EFCAB5: variants seen among roughly 807,000 people sequenced by gnomAD.
The protein encoded by EFCAB5 is EF-hand calcium-binding domain-containing protein 5.
In EFCAB5, 131 loss-of-function variants were observed where a neutral mutation model predicts 167.9. The observed-to-expected ratio is 0.78, with a 90% confidence interval of 0.68 to 0.90. The LOEUF (loss-of-function observed/expected upper bound fraction) is 0.90, where lower values mean the gene tolerates loss of function less well. EFCAB5 is among the 40% of genes least tolerant of loss of function. The pLI is 0.00. For missense variants in EFCAB5, 1,663 were observed against 1,745.2 expected (o/e 0.95, Z 0.84); for synonymous variants, 574 against 602.8 (o/e 0.95, Z 0.70).
intron 4 of EFCAB5, among the ~76,000 whole-genome samples, chr17:29,978,957 GA>G (rs2068115823): frequency 6.6e-6 from 1 of 152,136 alleles, no homozygotes; most frequent in Non-Finnish European, 1.5e-5. Context: ...GGGCAGGGGG[GA>G]TGGGGGGAGT....
intron 22 of EFCAB5, among the ~76,000 whole-genome samples, chr17:30,100,323 T>C (rs1008255810): frequency 6.6e-6 from 1 of 152,066 alleles, no homozygotes; most frequent in African/African-American, 2.4e-5. Context: ...GAGCAGAGGA[T>C]AAGCAATAAA....
At chr17:30,036,474 G>C (rs1172846794) in intron 8 of EFCAB5, among the ~76,000 whole-genome samples, 1 of 150,426 alleles carries the variant, frequency 6.6e-6, no homozygotes, top group Non-Finnish European at 1.5e-5. Context: ...CTATCACCCA[G>C]GCTAGAATGC....
chr17:30,055,929 C>A lies in EFCAB5; in HGVS notation c.2236C>A (p.Pro746Thr). The change falls in exon 11 of 23, where the codon CCC becomes ACC. Residue 746 changes from proline (P) to threonine (T), a missense_variant. Pro to Thr is a conservative substitution (Grantham distance 38). Coordinates refer to ENST00000394835, the MANE Select transcript of EFCAB5 (RefSeq NM_198529.4). The stretch of plus-strand genomic sequence containing the variant: ...AGTTCAGAAAGACAAGCCCTGTGAA[C>A]CCAAGTCCCAAAAAATAGAAGGAAA... ...KEVQKDKPCEPKSQKIEGKSW... is the reference protein window; with the variant it reads ...KEVQKDKPCETKSQKIEGKSW... 3 of 1,613,616 alleles carry A rather than the reference C, an allele frequency of 1.9e-6. No individual in the cohort carries two copies. In the East Asian group the frequency reaches 6.7e-5, roughly 36 times the overall value.
intron 3 of EFCAB5, among the ~76,000 whole-genome samples, chr17:29,962,049 G>A (rs887150750): frequency 3.3e-5 from 5 of 152,140 alleles, no homozygotes; most frequent in African/African-American, 1.2e-4. Flanking sequence ...TAGTCTATAT[G>A]TCTGTCCTTA....
chr17:29,988,761 T>C (rs1435616119), intron 4 of EFCAB5, among the ~76,000 whole-genome samples: 9 of 152,196 alleles, frequency 5.9e-5, no homozygotes, highest in African/African-American at 2.2e-4. Flanking sequence ...AGTTCTCCCA[T>C]TTCCTATCAT....
At chr17:29,975,075 A>C (rs1172739104) in intron 4 of EFCAB5, among the ~76,000 whole-genome samples, 2 of 152,004 alleles carry the variant, frequency 1.3e-5, no homozygotes, top group Non-Finnish European at 2.9e-5. Context: ...TTTAAAATAC[A>C]AAACTAAAAA....
chr17:30,042,603 A>T (rs1409505066), intron 8 of EFCAB5, among the ~76,000 whole-genome samples: 1 of 152,188 alleles, frequency 6.6e-6, no homozygotes, highest in Non-Finnish European at 1.5e-5. Context: ...AAATAGGAAA[A>T]CTAGATATCC....
chr17:29,951,147 A>G (rs2067500147), intron 3 of EFCAB5, among the ~76,000 whole-genome samples: 1 of 152,204 alleles, frequency 6.6e-6, no homozygotes, highest in South Asian at 2.1e-4. Flanking sequence ...AGGCCAAGGA[A>G]GAAATCAAAA....
At chr17:29,940,813 GT>G (rs747000183), upstream of EFCAB5, among the ~76,000 whole-genome samples, 14 of 152,244 alleles carry the variant, frequency 9.2e-5, no homozygotes, top group Non-Finnish European at 1.6e-4. Flanking sequence ...GCTGAGGAGG[GT>G]GGATCACTTG....
rs528076500 is a variant in EFCAB5 at position 30,105,729 on chromosome 17, C to T, written c.4322-2105C>T. ...ATTTTAGTATTTGAGAAACCTAATT[C>T]ATTATTCCTTAATTTAATGTTTCAA... is the stretch of plus-strand genomic sequence containing the variant. On this transcript the variant is annotated intron_variant, in intron 22 of 22. Transcript: ENST00000394835. Among the ~76,000 whole-genome samples the T allele has an allele frequency of 3.3e-5, 5 of 152,228 alleles. No individual in the cohort carries two copies. In the South Asian group the frequency reaches 8.3e-4, roughly 25 times the overall value.
Position 29,969,387 on chromosome 17 carries a change from C to T in EFCAB5, c.767+20C>T. The T allele has an allele frequency of 6.5e-7, 1 of 1,531,634 alleles. No homozygotes were observed. The highest frequency in any genetic ancestry group is 8.8e-7 in the Non-Finnish European group (1 of 1,140,270). The allele number at this position is 1,531,634 out of a possible 1,614,324, so 94.9% of individuals were successfully genotyped here. On this transcript the variant is annotated intron_variant, in intron 4 of 22. Transcript: ENST00000394835. ...CAACAGGTACAATCTGTTATAGTTT[C>T]AGTTCATGATCTGTCTCCTTACATT...
chr17:29,980,165 G>A (rs942339534), intron 4 of EFCAB5, among the ~76,000 whole-genome samples: 2 of 152,216 alleles, frequency 1.3e-5, no homozygotes, highest in Non-Finnish European at 2.9e-5. Flanking sequence ...GTGAAACTCC[G>A]TCTCAAAAAC....
intron 22 of EFCAB5, among the ~76,000 whole-genome samples, chr17:30,096,677 A>ATATATATATATATTT (rs1193558323): frequency 3.3e-5 from 2 of 60,122 alleles, no homozygotes; most frequent in African/African-American, 1.7e-4. Context: ...ATATATATAT[A>ATATATATATATATTT]TTTTTTTTTT....
chr17:30,037,416 C>T (rs1156270134), intron 8 of EFCAB5, among the ~76,000 whole-genome samples: 1 of 152,120 alleles, frequency 6.6e-6, no homozygotes, highest in Non-Finnish European at 1.5e-5. Flanking sequence ...AGTACATACA[C>T]CACAGTCACA....
At chr17:30,087,247 A>T in intron 19 of EFCAB5, 81 bp downstream of exon 19, 1 of 1,123,624 alleles carries the variant, frequency 8.9e-7, no homozygotes, top group South Asian at 1.4e-5. Context: ...ACAGCTTCTG[A>T]CTCTTGCTCA....
chr17:30,082,547 T>C (rs2071009254), intron 17 of EFCAB5, among the ~76,000 whole-genome samples: 1 of 152,002 alleles, frequency 6.6e-6, no homozygotes, highest in Non-Finnish European at 1.5e-5. Flanking sequence ...TGCACCACCA[T>C]GCCCAGCTAA....
Position 30,038,540 on chromosome 17 carries a change from G to A in EFCAB5, c.1200+4155G>A, listed in dbSNP as rs182152081. ...TTTCATTCCTAATAACACAATATCCGTTCTGCAGCCCATGGTCAAGGAGTC... is the reference window on the plus strand; with the variant it reads ...TTTCATTCCTAATAACACAATATCCATTCTGCAGCCCATGGTCAAGGAGTC... On this transcript the variant is annotated intron_variant, in intron 8 of 22. Coordinates refer to ENST00000394835, the MANE Select transcript of EFCAB5 (RefSeq NM_198529.4). Among the ~76,000 whole-genome samples, 774 of 152,310 alleles carry A rather than the reference G, an allele frequency of 5.1e-3. 5 individuals carry two copies. Among genetic ancestry groups the A allele is most frequent in the Admixed American group, 8.5e-3 (130 of 15,296 alleles).
intron 14 of EFCAB5, among the ~76,000 whole-genome samples, chr17:30,064,625 C>G (rs901720228): frequency 1.3e-5 from 2 of 152,114 alleles, no homozygotes; most frequent in African/African-American, 4.8e-5. Context: ...CTGGAAATTT[C>G]CCAAGTCTGG....
intron 3 of EFCAB5, among the ~76,000 whole-genome samples, chr17:29,950,813 A>G (rs2067493931): frequency 6.6e-6 from 1 of 152,238 alleles, no homozygotes; most frequent in Non-Finnish European, 1.5e-5. Flanking sequence ...ACAGTAGGCT[A>G]CTAGCAGTCA....
Sources: gnomAD v4.1 joint callset for allele counts (sites outside exome capture counted in the v4.1 genomes callset) on GRCh38, gnomAD v4.1.1 for gene constraint, MANE v1.5 for transcripts, NCBI Gene and HGNC (gene_info 2026-07-23, HGNC 2026-07-21) for gene names.